Variants in KCNMA1 observed in about 807,000 individuals in gnomAD.
KCNMA1 encodes the protein Calcium-activated potassium channel subunit alpha-1.
In KCNMA1, 29 loss-of-function variants were observed where a neutral mutation model predicts 140.0. The ratio of observed to expected loss-of-function variants is 0.21; its 90% CI spans 0.15 to 0.28. The LOEUF (loss-of-function observed/expected upper bound fraction) is 0.28. Ranked by LOEUF, KCNMA1 falls within the 10% of genes least tolerant of loss-of-function variation. The pLI, the probability that KCNMA1 is intolerant of heterozygous loss-of-function variation, is 1.00. For missense variants in KCNMA1, 880 were observed against 1,602.2 expected (o/e 0.55, Z 7.70); for synonymous variants, 612 against 611.9 (o/e 1.00, Z 0.00).
At chr10:77,372,978 A>C (rs919844482) in intron 2 of KCNMA1, 1 of 152,280 alleles carries the variant, frequency 6.6e-6, no homozygotes, top group Non-Finnish European at 1.5e-5. Context: ...GATATTTGCT[A>C]CCAACTAAAT....
intron 1 of KCNMA1, among the ~76,000 whole-genome samples, chr10:77,486,201 G>A (rs978269226): frequency 5.9e-5 from 9 of 152,096 alleles, no homozygotes; most frequent in Non-Finnish European, 1.3e-4. Context: ...CAGGGTGCAG[G>A]AGGAGGCAGA....
At chr10:76,902,477 T>C (rs1454435598) in intron 25 of KCNMA1, 1 of 152,248 alleles carries the variant, frequency 6.6e-6, no homozygotes, top group African/African-American at 2.4e-5. Context: ...GGCAGAGACC[T>C]TCTCAATATC....
intron 1 of KCNMA1, among the ~76,000 whole-genome samples, chr10:77,629,132 C>T (rs890149315): frequency 2.0e-5 from 3 of 152,198 alleles, no homozygotes; most frequent in African/African-American, 7.2e-5. Context: ...GGCTTGACAA[C>T]GTTAAGTGTA....
intron 1 of KCNMA1, among the ~76,000 whole-genome samples, chr10:77,412,189 C>T (rs1039013684): frequency 2.0e-5 from 3 of 152,300 alleles, no homozygotes; most frequent in East Asian, 3.9e-4. Context: ...TGGGATAGTC[C>T]CAGGATGCTT....
intron 5 of KCNMA1, among the ~76,000 whole-genome samples, chr10:77,182,602 C>G (rs1251976353): frequency 6.6e-6 from 1 of 151,464 alleles, no homozygotes; most frequent in African/African-American, 2.4e-5. Flanking sequence ...ATGCATATTA[C>G]TTTTTAAATA....
chr10:77,183,854 T>A (rs1206683580), intron 4 of KCNMA1, among the ~76,000 whole-genome samples: 3 of 152,122 alleles, frequency 2.0e-5, no homozygotes, highest in Non-Finnish European at 4.4e-5. Flanking sequence ...ACAAAGCACA[T>A]GCTTTTATGA....
intron 1 of KCNMA1, among the ~76,000 whole-genome samples, chr10:77,582,603 G>A (rs564044726): frequency 1.4e-4 from 21 of 152,214 alleles, no homozygotes; most frequent in East Asian, 7.7e-4. Context: ...TCATTCCCCC[G>A]GAAGTAGCCC....
chr10:77,389,863 G>C (rs376340411), intron 2 of KCNMA1, among the ~76,000 whole-genome samples: 1 of 152,166 alleles, frequency 6.6e-6, no homozygotes, highest in South Asian at 2.1e-4. Context: ...CGTAACTCAC[G>C]GGGCCTTGTA....
At chr10:77,369,253 TA>T (rs1201276145) in intron 2 of KCNMA1, among the ~76,000 whole-genome samples, 1 of 152,156 alleles carries the variant, frequency 6.6e-6, no homozygotes, top group African/African-American at 2.4e-5. Flanking sequence ...CCCTGTACAT[TA>T]GAGTCTGGGA....
chr10:76,958,139 C>T (rs1033502941), intron 20 of KCNMA1, among the ~76,000 whole-genome samples: 7 of 152,118 alleles, frequency 4.6e-5, no homozygotes, highest in South Asian at 2.1e-4. Context: ...GGAATTGGGC[C>T]GTTTGTTGTA....
At chr10:77,342,479 G>A (rs894282744) in intron 2 of KCNMA1, among the ~76,000 whole-genome samples, 2 of 152,258 alleles carry the variant, frequency 1.3e-5, no homozygotes, top group South Asian at 4.1e-4. Context: ...CAGTGGCCAA[G>A]GCCCACAATC....
chr10:77,090,278 A>C, intron 10 of KCNMA1, 122 bp downstream of exon 10: 1 of 770,160 alleles, frequency 1.3e-6, no homozygotes, highest in Non-Finnish European at 2.4e-6. Flanking sequence ...ATCATGGCTT[A>C]CCCAACTCTG....
Position 77,317,640 on chromosome 10 carries a change from T to C in KCNMA1, c.541-66384A>G, listed in dbSNP as rs918168401. Among the ~76,000 whole-genome samples the C allele has an allele frequency of 2.0e-5, 3 of 152,242 alleles. No individual in the cohort carries two copies. The East Asian group carries it at 5.8e-4, about 29-fold the overall frequency. On this transcript the variant is annotated intron_variant, in intron 2 of 27. Transcript: ENST00000286628. ...GAAGCCCATTTTCATCTTATATTTT[T>C]ATTAGCCCCATAGCAGCCCACTGCA...
intron 14 of KCNMA1, among the ~76,000 whole-genome samples, chr10:77,061,996 G>C (rs1470676358): frequency 6.6e-6 from 1 of 152,190 alleles, no homozygotes; most frequent in Non-Finnish European, 1.5e-5. Context: ...CCAGGGCCTA[G>C]GAGTGACAGG....
At position 76,887,269 on chromosome 10, in the gene KCNMA1, A is replaced by G; in HGVS notation, c.3708T>C (p.Leu1236=). 1 of 1,614,156 alleles carries G rather than the reference A, an allele frequency of 6.2e-7. No homozygotes were observed. Among genetic ancestry groups the G allele is most frequent in the Non-Finnish European group, 8.5e-7 (1 of 1,180,026 alleles). ...ACAGTGGCGGTGGATACACATATCA[A>G]AGCCGCTCTTCCTGCACGTACTTCT... ...DKQKYVQEER[L] Residue 1236 remains leucine, a synonymous_variant, in exon 28 of 28, where the codon CTT becomes CTC. Coordinates refer to ENST00000286628, the MANE Select transcript of KCNMA1 (RefSeq NM_001161352.2).
intron 3 of KCNMA1, among the ~76,000 whole-genome samples, chr10:77,242,287 G>A (rs138226593): frequency 7.9e-5 from 12 of 152,220 alleles, no homozygotes; most frequent in East Asian, 7.7e-4. Flanking sequence ...ATTTTATGCC[G>A]TCCCTGAAGC....
At chr10:76,891,966 G>C (rs1251911747) in intron 25 of KCNMA1, among the ~76,000 whole-genome samples, 3 of 152,038 alleles carry the variant, frequency 2.0e-5, no homozygotes, top group Admixed American at 1.3e-4. Context: ...TTTAGTAAAG[G>C]GCTCAAATCT....
At chr10:77,242,902 ACACACACACACACAC>A (rs2057640215) in intron 3 of KCNMA1, among the ~76,000 whole-genome samples, 1 of 127,750 alleles carries the variant, frequency 7.8e-6, no homozygotes, top group South Asian at 2.4e-4. Flanking sequence ...TGTTTCCTAC[ACACACACACACACAC>A]ACACACACAC....
At chr10:76,890,379 T>C (rs1023632891) in intron 26 of KCNMA1, among the ~76,000 whole-genome samples, 7 of 152,212 alleles carry the variant, frequency 4.6e-5, no homozygotes, top group African/African-American at 7.2e-5. Flanking sequence ...CTTCCAATCA[T>C]TGGAATTCTC....
Sources: gnomAD v4.1 joint callset for allele counts (sites outside exome capture counted in the v4.1 genomes callset) on GRCh38, gnomAD v4.1.1 for gene constraint, MANE v1.5 for transcripts, NCBI Gene and HGNC (gene_info 2026-07-23, HGNC 2026-07-21) for gene names.